Variants in ZNF467 observed in about 807,000 individuals in gnomAD.
The protein encoded by ZNF467 is zinc finger protein 467.
A neutral mutation model predicts 47.8 loss-of-function variants in ZNF467; 51 were observed. The ratio of observed to expected loss-of-function variants is 1.07; its 90% CI spans 0.85 to 1.35. The LOEUF is 1.35. Ranked by LOEUF, ZNF467 falls within the 40% of genes most tolerant of loss-of-function variation. The pLI is 0.00. For synonymous variants in ZNF467, 416 were observed against 372.9 expected, an observed-to-expected ratio of 1.12 and a Z score of -1.33; for missense variants, 992 against 858.1, an observed-to-expected ratio of 1.16 and a Z score of -1.95.
upstream of ZNF467, among the ~76,000 whole-genome samples, chr7:149,774,090 A>C (rs1019935816): frequency 3.2e-5 from 2 of 61,568 alleles, no homozygotes; most frequent in African/African-American, 6.2e-5. This position sits in a 1 kb window ranked among gnomAD's most constrained non-coding sequence, Gnocchi z 5.7. Flanking sequence ...GGTCCGGGGG[A>C]GGGTCTGGGA....
intron 4 of ZNF467, 127 bp from the exon 5 acceptor site, chr7:149,766,366 G>A (rs948856280): frequency 1.0e-5 from 15 of 1,429,526 alleles, no homozygotes; most frequent in Non-Finnish European, 1.2e-5. Flanking sequence ...ACGCTTCCCG[G>A]GAGTGACCAA....
In ZNF467 at chr7:149,769,730, C is replaced by A. The variant is rs1216471811; in HGVS notation, c.152-530G>T. The stretch of plus-strand genomic sequence containing the variant: ...TTTAGAGAAAGGTCCTCTCTGTCAC[C>A]CAGGCTGGAGTGCAGTGGCACGATC... On this transcript the variant is annotated intron_variant, in intron 3 of 4. Coordinates refer to ENST00000302017, the MANE Select transcript of ZNF467 (RefSeq NM_207336.3). The surrounding 1 kb of genome is among the most constrained non-coding windows in gnomAD (Gnocchi z 5.3). 6.6e-6 allele frequency among the ~76,000 whole-genome samples: 1 copy of A among 152,180 alleles called. No homozygotes were observed. Among genetic ancestry groups the A allele is most frequent in the South Asian group, 2.1e-4 (1 of 4,832 alleles).
At position 149,764,725 on chromosome 7, in the gene ZNF467, G is replaced by C; in HGVS notation, c.1777C>G (p.Leu593Val). Reference protein sequence around the residue: ...SAPPEVAPPPLFF With the variant: ...SAPPEVAPPPVFF ...CGTGAGAACTAGGCTCAGAAGAAGAGCGGGGGCGGCGCCACCTCGGGGGGA... is the reference window on the plus strand; with the variant it reads ...CGTGAGAACTAGGCTCAGAAGAAGACCGGGGGCGGCGCCACCTCGGGGGGA... The change falls in exon 5 of 5, where the codon CTC becomes GTC. Residue 593 changes from leucine (L) to valine (V), a missense_variant. Transcript: ENST00000302017. 6.4e-7 allele frequency: 1 copy of C among 1,560,078 alleles called. No individual in the cohort carries two copies. Among genetic ancestry groups the C allele is most frequent in the Non-Finnish European group, 8.7e-7 (1 of 1,149,068 alleles).
chr7:149,769,277 A>C lies in ZNF467; in HGVS notation c.152-77T>G. On this transcript the variant is annotated intron_variant, in intron 3 of 4. Transcript: ENST00000302017. The surrounding 1 kb of genome is among the most constrained non-coding windows in gnomAD (Gnocchi z 5.3). ...AAGGGCCCCACTGGTGCTGGGAAGC[A>C]GGAGCATTTGAAACCCTGGCTCCAG... The C allele has an allele frequency of 7.5e-7, 1 of 1,337,984 alleles. No individual in the cohort carries two copies. The highest frequency in any genetic ancestry group is 1.0e-6 in the Non-Finnish European group (1 of 991,524). The allele number at this position is 1,337,984 out of a possible 1,614,324, so 82.9% of individuals were successfully genotyped here. A position where few individuals can be genotyped will look rare whatever the true frequency, so the allele number is the denominator to read the frequency against.
upstream of ZNF467, chr7:149,776,007 A>T: frequency 7.4e-7 from 1 of 1,357,120 alleles, no homozygotes. Context: ...CCCAAGCCTC[A>T]CGTTCCCCAA....
chr7:149,765,614 G>A lies in ZNF467; in HGVS notation c.888C>T (p.Gly296=). 6.2e-7 allele frequency: 1 copy of A among 1,604,430 alleles called. No individual in the cohort carries two copies. Among genetic ancestry groups the A allele is most frequent in the South Asian group, 1.1e-5 (1 of 89,754 alleles). Reference sequence around the variant, plus strand: ...ACTGTGCGCACTGGTAGGGCCTCTCGCCCGTATGGATGCGCTGGTGCCGAA... The same window carrying A: ...ACTGTGCGCACTGGTAGGGCCTCTCACCCGTATGGATGCGCTGGTGCCGAA... The part of the protein sequence containing the change: ...HLIRHQRIHT[G]ERPYQCAQCA... Residue 296 remains glycine, a synonymous_variant, in exon 5 of 5, where the codon GGC becomes GGT. Coordinates refer to ENST00000302017, the MANE Select transcript of ZNF467 (RefSeq NM_207336.3).
upstream of ZNF467, among the ~76,000 whole-genome samples, chr7:149,775,106 G>T (rs1274810471): frequency 3.9e-5 from 6 of 152,116 alleles, no homozygotes; most frequent in South Asian, 4.1e-4. Context: ...TATTTCATCC[G>T]GCTTAGCTCT....
Position 149,764,189 on chromosome 7 carries a change from A to T in ZNF467, c.*525T>A. The T allele has an allele frequency of 7.7e-6, 2 of 259,256 alleles. No individual in the cohort carries two copies. Among genetic ancestry groups the T allele is most frequent in the Non-Finnish European group, 1.4e-5 (2 of 138,338 alleles). The allele number at this position is 259,256 out of a possible 1,614,324, so 16.1% of individuals were successfully genotyped here. ...AGGAGCCAGGATGGTGGCTTAGTGA[A>T]TAAATATATTACATTTTTATTTGGG... On this transcript the variant is annotated 3_prime_UTR_variant, in exon 5 of 5. Coordinates refer to ENST00000302017, the MANE Select transcript of ZNF467 (RefSeq NM_207336.3).
intron 1 of ZNF467, among the ~76,000 whole-genome samples, chr7:149,772,682 C>A (rs1290778594): frequency 6.6e-6 from 1 of 150,756 alleles, no homozygotes; most frequent in Non-Finnish European, 1.5e-5. Context: ...GTCCCGGCCC[C>A]CTCCCCAGCT....
rs775458946 is a variant in ZNF467, at chr7:149,765,617, C to G, written c.885G>C (p.Thr295=). 1.0e-5 allele frequency: 16 copies of G among 1,605,234 alleles called. No individual in the cohort carries two copies. Among genetic ancestry groups the G allele is most frequent in the African/African-American group, 2.7e-5 (2 of 74,912 alleles). Residue 295 remains threonine, a synonymous_variant, in exon 5 of 5, where the codon ACG becomes ACC. Transcript: ENST00000302017. Reference sequence around the variant, plus strand: ...GTGCGCACTGGTAGGGCCTCTCGCCCGTATGGATGCGCTGGTGCCGAATCA... The same window carrying G: ...GTGCGCACTGGTAGGGCCTCTCGCCGGTATGGATGCGCTGGTGCCGAATCA... ...THLIRHQRIH[T]GERPYQCAQC... is the part of the protein sequence containing the mutation.
At chr7:149,766,809 C>A (rs192859817) in intron 4 of ZNF467, among the ~76,000 whole-genome samples, 2 of 152,198 alleles carry the variant, frequency 1.3e-5, no homozygotes, top group African/African-American at 2.4e-5. Flanking sequence ...CTAACCCCTA[C>A]CCCCAGCCCA....
Position 149,764,895 on chromosome 7 carries a change from A to C in ZNF467, c.1607T>G (p.Ile536Ser). ...SKTNLVRHQA[I>S]HTGSRPFSCP... The stretch of plus-strand genomic sequence containing the variant: ...GGAGAAGGGGCGGGAGCCTGTGTGG[A>C]TCGCCTGGTGGCGGACTAGGTTGGT... The change falls in exon 5 of 5, where the codon ATC becomes AGC. Residue 536 changes from isoleucine (I) to serine (S), a missense_variant. Physicochemically the swap from Ile to Ser is moderately radical, Grantham distance 142. Coordinates refer to ENST00000302017, the MANE Select transcript of ZNF467 (RefSeq NM_207336.3). The C allele has an allele frequency of 6.4e-7, 1 of 1,565,404 alleles. No individual in the cohort carries two copies. Among genetic ancestry groups the C allele is most frequent in the South Asian group, 1.2e-5 (1 of 86,860 alleles).
Position 149,764,834 on chromosome 7 carries a change from G to T in ZNF467, c.1668C>A (p.Thr556=), listed in dbSNP as rs1028698502. The T allele has an allele frequency of 1.9e-6, 3 of 1,545,324 alleles. No individual in the cohort carries two copies. The highest frequency in any genetic ancestry group is 2.6e-6 in the Non-Finnish European group (3 of 1,146,382). The stretch of plus-strand genomic sequence containing the variant: ...GAATGAGCTGGTGCCGCACCAGGTG[G>T]GTCTTGCGGCTGAAGCTCTTTCCGC... The part of the protein sequence containing the change: ...PQCGKSFSRK[T]HLVRHQLIHG... Residue 556 remains threonine (T), a synonymous_variant, in exon 5 of 5, where the codon ACC becomes ACA. Transcript: ENST00000302017.
chr7:149,769,014 TAG>T lies in ZNF467; in HGVS notation c.262+74_262+75del, dbSNP rs1239238671. On this transcript the variant is annotated intron_variant, in intron 4 of 4. Transcript: ENST00000302017. This position sits in a 1 kb window ranked among gnomAD's most constrained non-coding sequence, Gnocchi z 5.3. ...TTGGGGGATTACCTGCCTCATGAGA[TAG>T]CAGCTCCGGAGCTTGCTGGGCCCCG... is the stretch of plus-strand genomic sequence containing the variant. 3.1e-6 allele frequency: 4 copies of T among 1,296,758 alleles called. No individual in the cohort carries two copies. Among genetic ancestry groups the T allele is most frequent in the Non-Finnish European group, 4.2e-6 (4 of 957,498 alleles). 80.3% of individuals were successfully genotyped at this position (1,296,758 alleles called of 1,614,324 possible). A position where few individuals can be genotyped will look rare whatever the true frequency, so the allele number is the denominator to read the frequency against.
chr7:149,770,109 A>G (rs1799346570), intron 3 of ZNF467, among the ~76,000 whole-genome samples: 1 of 130,098 alleles, frequency 7.7e-6, no homozygotes, highest in African/African-American at 3.0e-5. Flanking sequence ...AACCTGCTTC[A>G]CTGGACATTA....
rs1799362831 is a variant in ZNF467 at position 149,770,435 on chromosome 7, C to T, written c.151+5G>A. ...CTGAGCCTTTCCAGGGTTCCTGTTACCTACCTGAGCACACCCCCAGTGCTC... is the reference window on the plus strand; with the variant it reads ...CTGAGCCTTTCCAGGGTTCCTGTTATCTACCTGAGCACACCCCCAGTGCTC... On this transcript the variant is annotated splice_donor_5th_base_variant and intron_variant, in intron 3 of 4. Transcript: ENST00000302017. The T allele has an allele frequency of 1.9e-6, 3 of 1,599,696 alleles. No individual in the cohort carries two copies. The highest frequency in any genetic ancestry group is 2.6e-6 in the Non-Finnish European group (3 of 1,171,814).
chr7:149,776,181 C>A, upstream of ZNF467: 2 of 1,127,934 alleles, frequency 1.8e-6, no homozygotes, highest in South Asian at 2.9e-5. Flanking sequence ...CCGTGCCCCC[C>A]ACCCCCGGGA....
chr7:149,764,312 CT>C lies in ZNF467; in HGVS notation c.*401del. 1.1e-5 allele frequency: 5 copies of C among 447,166 alleles called. No homozygotes were observed. The highest frequency in any genetic ancestry group is 4.9e-5 in the South Asian group (1 of 20,418). 27.7% of individuals were successfully genotyped at this position (447,166 alleles called of 1,614,324 possible). A position where few individuals can be genotyped will look rare whatever the true frequency, so the allele number is the denominator to read the frequency against. ...TGTGTGGATGGAGGTGGGACAGTGG[CT>C]AAGGAGAGTCAGGTGTTCCCTCCCC... On this transcript the variant is annotated 3_prime_UTR_variant, in exon 5 of 5. Coordinates refer to ENST00000302017, the MANE Select transcript of ZNF467 (RefSeq NM_207336.3).
rs748442360 is a variant in ZNF467, at chr7:149,764,607, G to C, written c.*107C>G. On this transcript the variant is annotated 3_prime_UTR_variant, in exon 5 of 5. Transcript: ENST00000302017. ...GGAAGGAAACAGGTGTCCCGCGGCGGCCAAACCTTCGGGCAGCAGCCCAGG... is the reference window on the plus strand; with the variant it reads ...GGAAGGAAACAGGTGTCCCGCGGCGCCCAAACCTTCGGGCAGCAGCCCAGG... 6.5e-7 allele frequency: 1 copy of C among 1,543,298 alleles called. No homozygotes were observed. Among genetic ancestry groups the C allele is most frequent in the Non-Finnish European group, 8.8e-7 (1 of 1,142,326 alleles).
Sources: gnomAD v4.1 joint callset for allele counts (sites outside exome capture counted in the v4.1 genomes callset) on GRCh38, gnomAD v4.1.1 for gene constraint, Gnocchi (gnomAD v3.1) non-coding constraint, MANE v1.5 for transcripts, NCBI Gene and HGNC (gene_info 2026-07-23, HGNC 2026-07-21) for gene names.